Variants in SSH2 observed in about 807,000 individuals in gnomAD.
SSH2 encodes the protein slingshot protein phosphatase 2, also known as protein phosphatase Slingshot homolog 2.
In SSH2, 37 loss-of-function variants were observed where a neutral mutation model predicts 135.2. The ratio of observed to expected loss-of-function variants is 0.27; its 90% confidence interval spans 0.21 to 0.36. The LOEUF (loss-of-function observed/expected upper bound fraction) is 0.36. SSH2 is among the 10% of genes least tolerant of loss of function. SSH2 has a pLI of 1.00. For synonymous variants in SSH2, 628 were observed against 646.2 expected (o/e 0.97, Z 0.43); for missense variants, 1,408 against 1,765.3 (o/e 0.80, Z 3.63).
In SSH2 at chr17:29,631,183, G is replaced by A. The variant is rs376123311; in HGVS notation, c.4011C>T (p.Asn1337=). 6.8e-6 allele frequency: 11 copies of A among 1,614,052 alleles called. No individual in the cohort carries two copies. The African/African-American group carries it at 1.2e-4, about 18-fold the overall frequency. The part of the protein sequence containing the change: ...HAMEDQESLE[N]PGAPHNPEPT... ...GCTCTGGGTTGTGGGGGGCACCTGG[G>A]TTTTCTAGGGACTCTTGGTCCTCCA... Residue 1337 remains asparagine, a synonymous_variant, in exon 16 of 16, where the codon AAC becomes AAT. Coordinates refer to ENST00000540801, the MANE Select transcript of SSH2 (RefSeq NM_001282129.2).
intron 4 of SSH2, 79 bp downstream of exon 4, chr17:29,702,880 G>A: frequency 9.2e-7 from 1 of 1,086,848 alleles, no homozygotes; most frequent in South Asian, 1.3e-5. Flanking sequence ...TGAAGAGATG[G>A]GGATGAGGTA....
chr17:29,850,299 G>C (rs572141462), intron 1 of SSH2, among the ~76,000 whole-genome samples: 6 of 152,240 alleles, frequency 3.9e-5, no homozygotes, highest in South Asian at 4.1e-4. Context: ...TTGCTGTTTA[G>C]CTAACAGCAG....
chr17:29,792,907 C>T (rs2042095330), intron 3 of SSH2, among the ~76,000 whole-genome samples: 1 of 152,082 alleles, frequency 6.6e-6, no homozygotes, highest in Admixed American at 6.6e-5. Context: ...ATCTCCTGAC[C>T]TCGTGATCCG....
rs756695266 is a variant in SSH2, at chr17:29,631,392, G to A, written c.3802C>T (p.Arg1268Ter). 5 of 1,613,980 alleles carry A rather than the reference G, an allele frequency of 3.1e-6. No individual in the cohort carries two copies. Among genetic ancestry groups the A allele is most frequent in the South Asian group, 1.1e-5 (1 of 91,076 alleles). ...GTGAGCCCTGCCTGGAAAACCACTCGAGACTCGATTTCTTTAGCACGCTCC... is the reference window on the plus strand; with the variant it reads ...GTGAGCCCTGCCTGGAAAACCACTCAAGACTCGATTTCTTTAGCACGCTCC... Reference protein sequence around the residue: ...VKERAKEIESRVVFQAGLTKP... With the variant: ...VKERAKEIES Residue 1268 changes from arginine to a stop codon, truncating the protein, a stop_gained, in exon 16 of 16, where the codon CGA becomes TGA. Coordinates refer to ENST00000540801, the MANE Select transcript of SSH2 (RefSeq NM_001282129.2). LOFTEE classifies it high-confidence loss of function.
chr17:29,764,994 A>G (rs2041410853), intron 3 of SSH2, among the ~76,000 whole-genome samples: 1 of 152,242 alleles, frequency 6.6e-6, no homozygotes, highest in African/African-American at 2.4e-5. Flanking sequence ...CAACATGAGT[A>G]GATCACTTGA....
chr17:29,739,513 A>G (rs2040486076), intron 3 of SSH2, among the ~76,000 whole-genome samples: 1 of 152,214 alleles, frequency 6.6e-6, no homozygotes, highest in South Asian at 2.1e-4. Flanking sequence ...AACTTAAAGG[A>G]TATTCCCCAA....
intron 2 of SSH2, among the ~76,000 whole-genome samples, chr17:29,803,177 C>A (rs1236767331): frequency 6.6e-6 from 1 of 152,164 alleles, no homozygotes; most frequent in Non-Finnish European, 1.5e-5. Context: ...TGCTTTATAA[C>A]AAATTACTGC....
At position 29,794,987 on chromosome 17, in the gene SSH2, T is replaced by C. The variant is rs201409380; in HGVS notation, c.145-1050A>G. Among the ~76,000 whole-genome samples, 29 of 152,332 alleles carry C rather than the reference T, an allele frequency of 1.9e-4. 1 individual carries two copies. The East Asian group carries it at 2.3e-3, about 12-fold the overall frequency. On this transcript the variant is annotated intron_variant, in intron 2 of 15. Transcript: ENST00000540801. ...AATTTGTATTTGTTCTCTCATCACTTTTGCCCTATCTGGCAAACACAGAAC... is the reference window on the plus strand; with the variant it reads ...AATTTGTATTTGTTCTCTCATCACTCTTGCCCTATCTGGCAAACACAGAAC...
At chr17:29,707,799 T>C (rs986663555) in intron 3 of SSH2, among the ~76,000 whole-genome samples, 1 of 152,122 alleles carries the variant, frequency 6.6e-6, no homozygotes, top group African/African-American at 2.4e-5. Context: ...GTGCTGGGAT[T>C]ACAGGTGTAA....
intron 1 of SSH2, among the ~76,000 whole-genome samples, chr17:29,867,135 C>CCCTGTG (rs1386928843): frequency 6.6e-6 from 1 of 152,062 alleles, no homozygotes; most frequent in African/African-American, 2.4e-5. Flanking sequence ...ACATATCCAG[C>CCCTGTG]CCTGTGTAGG....
chr17:29,696,657 G>GTA (rs1567889839), intron 4 of SSH2, among the ~76,000 whole-genome samples: 3 of 142,354 alleles, frequency 2.1e-5, no homozygotes, highest in South Asian at 4.4e-4. Flanking sequence ...ACCTATGTAT[G>GTA]TATATATATA....
intron 14 of SSH2, among the ~76,000 whole-genome samples, chr17:29,638,138 A>G (rs2035992976): frequency 6.6e-6 from 1 of 152,094 alleles, no homozygotes; most frequent in Admixed American, 6.6e-5. Flanking sequence ...ATAAACAAAA[A>G]AAGATATTTA....
intron 3 of SSH2, among the ~76,000 whole-genome samples, chr17:29,737,744 C>T (rs1310963581): frequency 6.6e-6 from 1 of 152,012 alleles, no homozygotes; most frequent in Non-Finnish European, 1.5e-5. Flanking sequence ...TTACTATAAC[C>T]CAGCAATTAT....
chr17:29,827,844 A>G (rs2151355675), intron 2 of SSH2, among the ~76,000 whole-genome samples: 1 of 152,262 alleles, frequency 6.6e-6, no homozygotes, highest in African/African-American at 2.4e-5. Flanking sequence ...TTCTAAATCA[A>G]TATAAGCCTT....
intron 2 of SSH2, among the ~76,000 whole-genome samples, chr17:29,796,233 T>C (rs892827525): frequency 6.6e-6 from 1 of 152,250 alleles, no homozygotes; most frequent in Non-Finnish European, 1.5e-5. Flanking sequence ...TCCCAGTTTA[T>C]ACTTTTTTTG....
At chr17:29,906,095 C>T (rs1347615302) in intron 1 of SSH2, among the ~76,000 whole-genome samples, 4 of 152,182 alleles carry the variant, frequency 2.6e-5, no homozygotes, top group African/African-American at 9.7e-5. Flanking sequence ...TCTTCTTCGT[C>T]TTCTTCACCC....
intron 3 of SSH2, among the ~76,000 whole-genome samples, chr17:29,721,328 A>C (rs1386909757): frequency 7.1e-6 from 1 of 139,950 alleles, no homozygotes; most frequent in African/African-American, 2.5e-5. Context: ...CGGACATTGC[A>C]GTATAATCCT....
intron 2 of SSH2, among the ~76,000 whole-genome samples, chr17:29,815,123 A>ATTTT (rs71360722): frequency 1.0e-5 from 1 of 98,036 alleles, no homozygotes; most frequent in African/African-American, 4.0e-5. Context: ...TATTTTTTGT[A>ATTTT]TTTTTTTTTT....
chr17:29,724,538 A>AAAC (rs1354109245), intron 3 of SSH2, among the ~76,000 whole-genome samples: 2 of 149,770 alleles, frequency 1.3e-5, no homozygotes, highest in African/African-American at 4.9e-5. Flanking sequence ...CAAAAAAAAA[A>AAAC]AAAAAAAACA....
Sources: allele counts gnomAD v4.1 joint callset (sites outside exome capture counted in the v4.1 genomes callset), GRCh38; gene constraint gnomAD v4.1.1; transcripts MANE v1.5; gene names NCBI Gene and HGNC (gene_info 2026-07-23, HGNC 2026-07-21).